Variants in PDCL observed in about 807,000 individuals in gnomAD.
The protein encoded by PDCL is phosducin like.
A neutral mutation model predicts 26.7 loss-of-function variants in PDCL; 11 were observed. The ratio of observed to expected loss-of-function variants is 0.41; its 90% confidence interval spans 0.26 to 0.68. The LOEUF (loss-of-function observed/expected upper bound fraction) is 0.68. PDCL is among the 30% of genes least tolerant of loss of function. PDCL has a pLI of 0.30. For missense variants in PDCL, 330 were observed against 371.6 expected (o/e 0.89, Z 0.92); for synonymous variants, 118 against 134.9 (o/e 0.87, Z 0.87).
At chr9:122,828,120 CCCAGGAATGGG>C (rs1829652648) in intron 1 of PDCL, among the ~76,000 whole-genome samples, 1 of 152,138 alleles carries the variant, frequency 6.6e-6, no homozygotes, top group African/African-American at 2.4e-5. Context: ...AAACTTAAGG[CCCAGGAATGGG>C]CCAAGCGGGG....
At position 122,820,203 on chromosome 9, in the gene PDCL, T is replaced by C. The variant is rs1264387120; in HGVS notation, c.788A>G (p.Asp263Gly). 1.2e-6 allele frequency: 2 copies of C among 1,614,090 alleles called. No individual in the cohort carries two copies. The highest frequency in any genetic ancestry group is 1.7e-6 in the Non-Finnish European group (2 of 1,180,014). ...AAATTCCTGGAGAAAAGCTTCAAGG[T>C]CCACAGCAAAGAAATCATCCCCCAG... is the stretch of plus-strand genomic sequence containing the variant. ...DQLGDDFFAV[D>G]LEAFLQEFGL... Residue 263 changes from aspartate to glycine, a missense_variant, in exon 4 of 4, where the codon GAC becomes GGC. Physicochemically the swap from Asp to Gly is moderately conservative, Grantham distance 94 (BLOSUM62 -1). Coordinates refer to ENST00000259467, the MANE Select transcript of PDCL (RefSeq NM_005388.5).
At position 122,823,249 on chromosome 9, in the gene PDCL, G is replaced by T. The variant is rs773465349; in HGVS notation, c.173-52C>A. Reference sequence around the variant, plus strand: ...CAAGGAGAATGGGCAGGGAATTATGGACCAGCTGACATCTGTAGGTAGGAG... The same window carrying T: ...CAAGGAGAATGGGCAGGGAATTATGTACCAGCTGACATCTGTAGGTAGGAG... On this transcript the variant is annotated intron_variant, in intron 2 of 3. Coordinates refer to ENST00000259467, the MANE Select transcript of PDCL (RefSeq NM_005388.5). 1.9e-6 allele frequency: 3 copies of T among 1,561,864 alleles called. No individual in the cohort carries two copies. The Admixed American group carries it at 5.0e-5, about 26-fold the overall frequency.
intron 2 of PDCL, 95 bp from the exon 3 acceptor site, chr9:122,823,292 C>G: frequency 8.6e-7 from 1 of 1,159,910 alleles, no homozygotes. Context: ...CTGCCTGAAG[C>G]TTGCTCCATC....
intron 1 of PDCL, among the ~76,000 whole-genome samples, 163 bp downstream of exon 1, chr9:122,828,308 C>T (rs949967580): frequency 2.0e-5 from 3 of 149,476 alleles, no homozygotes; most frequent in African/African-American, 7.4e-5. Context: ...TGGAAGGGCC[C>T]GGGGGAGGTG....
At chr9:122,827,281 T>A (rs1829640042) in intron 1 of PDCL, among the ~76,000 whole-genome samples, 1 of 152,202 alleles carries the variant, frequency 6.6e-6, no homozygotes, top group Non-Finnish European at 1.5e-5. Flanking sequence ...GAGTCACTAT[T>A]TGTCTAGGCA....
intron 2 of PDCL, among the ~76,000 whole-genome samples, chr9:122,824,717 A>G (rs1164973564): frequency 1.3e-5 from 2 of 152,244 alleles, no homozygotes; most frequent in Non-Finnish European, 2.9e-5. Context: ...AAAAGTGCCA[A>G]TGATCCCTAA....
rs192823042 is a variant in PDCL at position 122,822,439 on chromosome 9, A to G, written c.354+577T>C. On this transcript the variant is annotated intron_variant, in intron 3 of 3. Coordinates refer to ENST00000259467, the MANE Select transcript of PDCL (RefSeq NM_005388.5). The stretch of plus-strand genomic sequence containing the variant: ...AGGTGCCTACTTCCAAATATCTTCC[A>G]GAGTATCTGTTTGCTTATTATAATG... Among the ~76,000 whole-genome samples, 4 of 152,054 alleles carry G rather than the reference A, an allele frequency of 2.6e-5. No homozygotes were observed. In the East Asian group the frequency reaches 7.8e-4, roughly 29 times the overall value.
At position 122,828,561 on chromosome 9, in the gene PDCL, A is replaced by C. The variant is rs1829661581; in HGVS notation, c.-96T>G. On this transcript the variant is annotated 5_prime_UTR_variant, in exon 1 of 4. Coordinates refer to ENST00000259467, the MANE Select transcript of PDCL (RefSeq NM_005388.5). ...TTCTTAAGAGGAAGAGCAGTGGGTC[A>C]GCGCCCTGAGCGCTAAAGAGAAAAG... is the stretch of plus-strand genomic sequence containing the variant. The C allele has an allele frequency of 6.6e-6, 1 of 152,254 alleles. No individual in the cohort carries two copies. Among genetic ancestry groups the C allele is most frequent in the Admixed American group, 6.5e-5 (1 of 15,282 alleles). 9.4% of individuals were successfully genotyped at this position (152,254 alleles called of 1,614,324 possible). A position where few individuals can be genotyped will look rare whatever the true frequency, so the allele number is the denominator to read the frequency against.
chr9:122,821,270 G>A (rs1829551339), intron 3 of PDCL, among the ~76,000 whole-genome samples: 1 of 151,854 alleles, frequency 6.6e-6, no homozygotes, highest in Admixed American at 6.6e-5. Flanking sequence ...ATCCAAATAG[G>A]CAGCATCATA....
At chr9:122,826,921 C>T in intron 1 of PDCL, 129 bp from the exon 2 acceptor site, 2 of 801,656 alleles carry the variant, frequency 2.5e-6, no homozygotes, top group Non-Finnish European at 2.0e-6. Context: ...TTTTCATAAC[C>T]AAAATCTTAA....
In PDCL at chr9:122,818,557, C is replaced by T. The variant is rs904170071; in HGVS notation, c.*1528G>A. The stretch of plus-strand genomic sequence containing the variant: ...ATACATTCCACCCTTTCTACTACAA[C>T]GAGCTTTCTTAGTCAAAAAAAAAAA... On this transcript the variant is annotated 3_prime_UTR_variant, in exon 4 of 4. Transcript: ENST00000259467. The T allele has an allele frequency of 1.3e-5, 2 of 150,750 alleles. No homozygotes were observed. The highest frequency in any genetic ancestry group is 2.9e-5 in the Non-Finnish European group (2 of 67,820). 9.3% of individuals were successfully genotyped at this position (150,750 alleles called of 1,614,324 possible). A position where few individuals can be genotyped will look rare whatever the true frequency, so the allele number is the denominator to read the frequency against.
intron 1 of PDCL, among the ~76,000 whole-genome samples, chr9:122,827,318 T>C (rs1829640565): frequency 6.6e-6 from 1 of 152,184 alleles, no homozygotes; most frequent in Non-Finnish European, 1.5e-5. Context: ...AGCCTTCAAC[T>C]TCCCAGACAA....
chr9:122,820,078 T>C lies in PDCL; in HGVS notation c.*7A>G, dbSNP rs779304371. On this transcript the variant is annotated 3_prime_UTR_variant, in exon 4 of 4. Coordinates refer to ENST00000259467, the MANE Select transcript of PDCL (RefSeq NM_005388.5). ...CAATGAGAAATCTATGCAACTAGAC[T>C]ATCAGTTCAATCTATTTCCAGGTCG... 1.3e-6 allele frequency: 2 copies of C among 1,579,444 alleles called. No individual in the cohort carries two copies. Among genetic ancestry groups the C allele is most frequent in the South Asian group, 1.2e-5 (1 of 85,504 alleles).
At chr9:122,821,336 CT>C (rs139852049) in intron 3 of PDCL, among the ~76,000 whole-genome samples, 20 of 151,304 alleles carry the variant, frequency 1.3e-4, no homozygotes, top group African/African-American at 1.9e-4. Flanking sequence ...ATTTTATCTA[CT>C]TTTTTTTTGA....
At chr9:122,821,709 T>C (rs557435837) in intron 3 of PDCL, among the ~76,000 whole-genome samples, 1 of 152,290 alleles carries the variant, frequency 6.6e-6, no homozygotes, top group South Asian at 2.1e-4. Context: ...GACTGATCCA[T>C]GTGATGATAT....
At chr9:122,824,835 G>T (rs1829603115) in intron 2 of PDCL, among the ~76,000 whole-genome samples, 1 of 152,040 alleles carries the variant, frequency 6.6e-6, no homozygotes, top group African/African-American at 2.4e-5. Context: ...AATTGAAGAG[G>T]GTCTAGCCTC....
In PDCL at chr9:122,823,281, T is replaced by C. The variant is rs975252252; in HGVS notation, c.173-84A>G. 1.1e-5 allele frequency: 15 copies of C among 1,329,206 alleles called. No individual in the cohort carries two copies. The African/African-American group carries it at 1.3e-4, about 11-fold the overall frequency. 82.3% of individuals were successfully genotyped at this position (1,329,206 alleles called of 1,614,324 possible). On this transcript the variant is annotated intron_variant, in intron 2 of 3. Transcript: ENST00000259467. ...TGACATCTGTAGGTAGGAGTTCACA[T>C]CTGCCTGAAGCTTGCTCCATCTACT...
chr9:122,824,821 A>G (rs1315246342), intron 2 of PDCL, among the ~76,000 whole-genome samples: 1 of 152,234 alleles, frequency 6.6e-6, no homozygotes, highest in African/African-American at 2.4e-5. Flanking sequence ...ATAAAGCAAA[A>G]GTTAATTGAA....
At position 122,823,156 on chromosome 9, in the gene PDCL, A is replaced by G. The variant is rs765341761; in HGVS notation, c.214T>C (p.Leu72=). ...TGCTCCTCCCTCTGCTCTGTCTCCA[A>G]CTGCTTGAAGCGGCGCCAGTCATTG... is the stretch of plus-strand genomic sequence containing the variant. ...VINDWRRFKQ[L]ETEQREEQCR... The change falls in exon 3 of 4, where the codon TTG becomes CTG. Residue 72 remains leucine (L), a synonymous_variant. Coordinates refer to ENST00000259467, the MANE Select transcript of PDCL (RefSeq NM_005388.5). 5.3e-5 allele frequency: 86 copies of G among 1,613,864 alleles called. No homozygotes were observed. The highest frequency in any genetic ancestry group is 1.6e-4 in the Middle Eastern group (1 of 6,084).
Sources: allele counts gnomAD v4.1 joint callset (sites outside exome capture counted in the v4.1 genomes callset), GRCh38; gene constraint gnomAD v4.1.1; transcripts MANE v1.5; gene names NCBI Gene and HGNC (gene_info 2026-07-23, HGNC 2026-07-21).